The following NKAIN2 variants were observed in gnomAD, a reference collection of about 807,000 sequenced individuals.
NKAIN2 encodes sodium/potassium-transporting ATPase subunit beta-1-interacting protein 2.
A neutral mutation model predicts 32.6 loss-of-function variants in NKAIN2; 14 were observed. The ratio of observed to expected loss-of-function variants is 0.43; its 90% confidence interval spans 0.28 to 0.67. The LOEUF (loss-of-function observed/expected upper bound fraction) is 0.67. Ranked by LOEUF, NKAIN2 falls within the 30% of genes least tolerant of loss-of-function variation. NKAIN2 has a pLI of 0.17. For synonymous variants in NKAIN2, 80 were observed against 87.2 expected, an observed-to-expected ratio of 0.92 and a Z score of 0.46; for missense variants, 198 against 258.3, an observed-to-expected ratio of 0.77 and a Z score of 1.60.
At chr6:123,943,418 T>C (rs1228976521) in intron 1 of NKAIN2, among the ~76,000 whole-genome samples, 1 of 152,058 alleles carries the variant, frequency 6.6e-6, no homozygotes, top group African/African-American at 2.4e-5. Flanking sequence ...TGCAAAGATA[T>C]GATAAAATCA....
chr6:124,503,260 A>G (rs887716531), intron 3 of NKAIN2, among the ~76,000 whole-genome samples: 1 of 152,140 alleles, frequency 6.6e-6, no homozygotes, highest in African/African-American at 2.4e-5. Context: ...AAAGTAAAGG[A>G]AAGTCTAAAA....
At chr6:124,095,016 T>C (rs1205253026) in intron 1 of NKAIN2, among the ~76,000 whole-genome samples, 1 of 152,128 alleles carries the variant, frequency 6.6e-6, no homozygotes, top group African/African-American at 2.4e-5. Context: ...CTCTGTAAAA[T>C]TGAGACATTA....
chr6:123,867,723 C>T (rs1329346869), intron 1 of NKAIN2, among the ~76,000 whole-genome samples: 1 of 152,142 alleles, frequency 6.6e-6, no homozygotes. Flanking sequence ...CAAGATTTAC[C>T]TCAAACATTT....
intron 1 of NKAIN2, among the ~76,000 whole-genome samples, chr6:123,930,277 G>T (rs1327767007): frequency 2.0e-5 from 3 of 152,104 alleles, no homozygotes; most frequent in Non-Finnish European, 4.4e-5. Context: ...AGAGTTGTTT[G>T]TACATTTTAT....
chr6:124,288,801 T>C (rs184102799), intron 2 of NKAIN2, among the ~76,000 whole-genome samples: 2 of 152,222 alleles, frequency 1.3e-5, no homozygotes, highest in East Asian at 3.9e-4. Context: ...TGTAATTGAA[T>C]AAAATACTCA....
At chr6:124,282,922 T>G in intron 1 of NKAIN2, 83 bp from the exon 2 acceptor site, 1 of 1,167,336 alleles carries the variant, frequency 8.6e-7, no homozygotes, top group Non-Finnish European at 1.3e-6. Flanking sequence ...CTAATTATGT[T>G]ATTAATAATT....
intron 5 of NKAIN2, among the ~76,000 whole-genome samples, chr6:124,806,618 G>T (rs1342380932): frequency 6.6e-6 from 1 of 151,624 alleles, no homozygotes; most frequent in Non-Finnish European, 1.5e-5. Context: ...ATAATGACAG[G>T]TTCAAATTCA....
Position 124,413,680 on chromosome 6 carries a change from A to G in NKAIN2, c.273+58333A>G, listed in dbSNP as rs115854725. 6.2e-3 allele frequency among the ~76,000 whole-genome samples: 939 copies of G among 152,298 alleles called. 8 individuals are homozygous for G. Among genetic ancestry groups the G allele is most frequent in the African/African-American group, 0.022 (902 of 41,568 alleles). On this transcript the variant is annotated intron_variant, in intron 3 of 6. Coordinates refer to ENST00000368417, the MANE Select transcript of NKAIN2 (RefSeq NM_001040214.3). ...TAATATTAAGTGTTCTGGACTATAA[A>G]GGTGATATATTGCTCCACTTACTTT...
rs1250565076 is a variant in NKAIN2 at position 124,795,925 on chromosome 6, G to A, written c.535+4526G>A. 3.3e-5 allele frequency among the ~76,000 whole-genome samples: 5 copies of A among 152,042 alleles called. No homozygotes were observed. In the East Asian group the frequency reaches 7.7e-4, roughly 23 times the overall value. On this transcript the variant is annotated intron_variant, in intron 5 of 6. Transcript: ENST00000368417. ...GAGGGACACTAACATTTACATCATA[G>A]CAGACACTATATTGCAAGGGTTTCT... is the stretch of plus-strand genomic sequence containing the variant.
chr6:124,151,376 C>T (rs1369031971), intron 1 of NKAIN2, among the ~76,000 whole-genome samples: 1 of 151,946 alleles, frequency 6.6e-6, no homozygotes, highest in South Asian at 2.1e-4. Context: ...TATCAAGATT[C>T]ACAGTTATTT....
intron 2 of NKAIN2, among the ~76,000 whole-genome samples, chr6:124,335,220 A>G (rs1421104433): frequency 1.3e-5 from 2 of 152,212 alleles, no homozygotes; most frequent in Admixed American, 1.3e-4. Context: ...AAATGTTTAG[A>G]AAAATGTTAT....
At chr6:124,490,521 C>A in intron 3 of NKAIN2, 2 of 329,182 alleles carry the variant, frequency 6.1e-6, no homozygotes, top group East Asian at 7.6e-5. Context: ...ATACAAATAC[C>A]CAAGTATTTA....
chr6:124,241,174 A>C (rs192798823), intron 1 of NKAIN2, among the ~76,000 whole-genome samples: 33 of 152,226 alleles, frequency 2.2e-4, no homozygotes, highest in African/African-American at 7.9e-4. Flanking sequence ...ACCTAGAAAT[A>C]CAACTTACAA....
intron 1 of NKAIN2, among the ~76,000 whole-genome samples, chr6:124,179,577 G>GA (rs1789333816): frequency 6.6e-6 from 1 of 152,178 alleles, no homozygotes; most frequent in Non-Finnish European, 1.5e-5. Flanking sequence ...AAGGAGGGGA[G>GA]AGGAAGCAGA....
intron 1 of NKAIN2, among the ~76,000 whole-genome samples, chr6:123,976,321 A>G (rs1415361120): frequency 0.014 from 900 of 62,182 alleles, 144 homozygotes; most frequent in East Asian, 0.036. Flanking sequence ...CCATATATAT[A>G]TATGTTCCCA....
intron 3 of NKAIN2, among the ~76,000 whole-genome samples, chr6:124,461,319 G>A (rs139658758): frequency 4.4e-3 from 669 of 151,838 alleles, no homozygotes; most frequent in Middle Eastern, 0.024. Context: ...AGATACATGC[G>A]TGTGCACAGA....
chr6:124,157,482 A>G (rs990904960), intron 1 of NKAIN2, among the ~76,000 whole-genome samples: 1 of 152,212 alleles, frequency 6.6e-6, no homozygotes, highest in Non-Finnish European at 1.5e-5. Context: ...ATTTTGAAAC[A>G]TGGTGAAGTT....
chr6:124,244,480 C>T (rs1793287914), intron 1 of NKAIN2, among the ~76,000 whole-genome samples: 1 of 151,960 alleles, frequency 6.6e-6, no homozygotes, highest in African/African-American at 2.4e-5. Context: ...ATCTTATCTG[C>T]AGGTACAACT....
intron 4 of NKAIN2, among the ~76,000 whole-genome samples, chr6:124,785,224 G>T (rs1189128644): frequency 6.6e-6 from 1 of 151,986 alleles, no homozygotes. Flanking sequence ...ACATTTTTCA[G>T]TTCTAAGTTT....
Sources: allele counts gnomAD v4.1 joint callset (sites outside exome capture counted in the v4.1 genomes callset), GRCh38; gene constraint gnomAD v4.1.1; transcripts MANE v1.5; gene names NCBI Gene and HGNC (gene_info 2026-07-23, HGNC 2026-07-21).